LURAP1L: variants seen among roughly 807,000 people sequenced by gnomAD.
LURAP1L encodes leucine rich adaptor protein 1 like.
Under a neutral mutation model 13.8 loss-of-function variants are expected in LURAP1L, and 12 were observed. The ratio of observed to expected loss-of-function variants is 0.87; its 90% CI spans 0.56 to 1.41. The LOEUF (loss-of-function observed/expected upper bound fraction) is 1.41, where lower values mean the gene tolerates loss of function less well. Ranked by LOEUF, LURAP1L falls within the 40% of genes most tolerant of loss-of-function variation. The pLI, the probability that LURAP1L is intolerant of heterozygous loss-of-function variation, is 0.00. For missense variants in LURAP1L, 375 were observed against 292.9 expected, an observed-to-expected ratio of 1.28 and a Z score of -2.04; for synonymous variants, 139 against 119.2, an observed-to-expected ratio of 1.17 and a Z score of -1.08.
Position 12,775,844 on chromosome 9 carries a change from C to A in LURAP1L, c.129C>A (p.Cys43Ter). The stretch of plus-strand genomic sequence containing the variant: ...CCAGGGAAAGGGACAGGGACCCCTG[C>A]GGGGGGAGCGGTGGTGGTGGCGGCG... ...PVPRERDRDP[C>*]GGSGGGGGGG... Residue 43 changes from cysteine (C) to a stop codon, truncating the protein, a stop_gained, in exon 1 of 2, where the codon TGC becomes TGA. Coordinates refer to ENST00000319264, the MANE Select transcript of LURAP1L (RefSeq NM_203403.2). LOFTEE classifies it high-confidence loss of function. 6.3e-7 allele frequency: 1 copy of A among 1,581,288 alleles called. No individual in the cohort carries two copies. Among genetic ancestry groups the A allele is most frequent in the Non-Finnish European group, 8.6e-7 (1 of 1,166,646 alleles).
chr9:12,809,988 A>T (rs1350951583), intron 1 of LURAP1L, among the ~76,000 whole-genome samples: 1 of 152,172 alleles, frequency 6.6e-6, no homozygotes, highest in East Asian at 1.9e-4. Context: ...TCTCCTGTCC[A>T]TAATTAAGTC....
chr9:12,807,371 AT>A (rs1196428683), intron 1 of LURAP1L, among the ~76,000 whole-genome samples: 1 of 152,114 alleles, frequency 6.6e-6, no homozygotes, highest in African/African-American at 2.4e-5. Flanking sequence ...TTTGGAAGAG[AT>A]TATCTGTTTC....
chr9:12,822,930 T>A lies in LURAP1L; in HGVS notation c.*1170T>A, dbSNP rs1365077818. ...TATAATACAAATCAAAAAATCTTCC[T>A]TCTTATAACTGAGAAATGTTTCACC... On this transcript the variant is annotated 3_prime_UTR_variant, in exon 2 of 2. Coordinates refer to ENST00000319264, the MANE Select transcript of LURAP1L (RefSeq NM_203403.2). 1.3e-5 allele frequency among the ~76,000 whole-genome samples: 2 copies of A among 152,240 alleles called. No individual in the cohort carries two copies. The highest frequency in any genetic ancestry group is 2.9e-5 in the Non-Finnish European group (2 of 68,036).
chr9:12,815,850 T>C (rs893243055), intron 1 of LURAP1L, among the ~76,000 whole-genome samples: 1 of 152,104 alleles, frequency 6.6e-6, no homozygotes, highest in Non-Finnish European at 1.5e-5. Flanking sequence ...TGTCTTGGAG[T>C]GGAATACAAA....
chr9:12,820,786 A>G (rs1819868488), intron 1 of LURAP1L, among the ~76,000 whole-genome samples: 1 of 152,152 alleles, frequency 6.6e-6, no homozygotes, highest in African/African-American at 2.4e-5. Flanking sequence ...TAAAGAATAC[A>G]GGTCTTTTTT....
intron 1 of LURAP1L, among the ~76,000 whole-genome samples, chr9:12,792,830 T>C (rs978284342): frequency 3.3e-5 from 5 of 152,078 alleles, no homozygotes; most frequent in African/African-American, 1.2e-4. Context: ...AAACAGAATT[T>C]TACCATTTAT....
At position 12,775,907 on chromosome 9, in the gene LURAP1L, C is replaced by A; in HGVS notation, c.192C>A (p.Ser64Arg). 4 of 1,567,232 alleles carry A rather than the reference C, an allele frequency of 2.6e-6. No homozygotes were observed. The highest frequency in any genetic ancestry group is 3.5e-6 in the Non-Finnish European group (4 of 1,155,490). ...GGCSSSSSYCSFPPSLSSSSS... is the reference protein window; with the variant it reads ...GGCSSSSSYCRFPPSLSSSSS... ...GCAGTAGCAGCAGCAGCTACTGCAGCTTCCCTCCCTCCTTGTCGTCCTCCT... is the reference window on the plus strand; with the variant it reads ...GCAGTAGCAGCAGCAGCTACTGCAGATTCCCTCCCTCCTTGTCGTCCTCCT... The change falls in exon 1 of 2, where the codon AGC becomes AGA. Residue 64 changes from serine (S) to arginine (R), a missense_variant. Ser to Arg is a moderately radical substitution (Grantham distance 110). Coordinates refer to ENST00000319264, the MANE Select transcript of LURAP1L (RefSeq NM_203403.2).
chr9:12,788,560 T>G (rs1426468901), intron 1 of LURAP1L, among the ~76,000 whole-genome samples: 1 of 152,156 alleles, frequency 6.6e-6, no homozygotes, highest in East Asian at 1.9e-4. Context: ...TGCAATGACC[T>G]AAATGGCCAA....
At chr9:12,776,326 C>T (rs1232241080) in intron 1 of LURAP1L, among the ~76,000 whole-genome samples, 4 of 152,190 alleles carry the variant, frequency 2.6e-5, no homozygotes, top group African/African-American at 9.6e-5. Context: ...TAGCTGCCAG[C>T]CCGTAGCCTC....
intron 1 of LURAP1L, chr9:12,777,262 A>G (rs983642480): frequency 2.0e-6 from 2 of 985,440 alleles, no homozygotes; most frequent in African/African-American, 3.5e-5. Context: ...AGTGGAAGTC[A>G]TCTTGATGAG....
At chr9:12,789,010 T>C (rs910364768) in intron 1 of LURAP1L, among the ~76,000 whole-genome samples, 2 of 150,898 alleles carry the variant, frequency 1.3e-5, no homozygotes, top group African/African-American at 4.9e-5. Context: ...AAGATCACAG[T>C]GAGCCATGAT....
At position 12,822,891 on chromosome 9, in the gene LURAP1L, C is replaced by T. The variant is rs183607569; in HGVS notation, c.*1131C>T. 8.5e-5 allele frequency among the ~76,000 whole-genome samples: 13 copies of T among 152,094 alleles called. 1 individual carries two copies. The highest frequency in any genetic ancestry group is 7.7e-4 in the East Asian group (4 of 5,178). On this transcript the variant is annotated 3_prime_UTR_variant, in exon 2 of 2. Transcript: ENST00000319264. ...TGTTCTTTGTAATGATAAATGTTTC[C>T]GGACTAAACACTCTATAATACAAAT...
chr9:12,816,059 C>T (rs146102152), intron 1 of LURAP1L, among the ~76,000 whole-genome samples: 73 of 152,154 alleles, frequency 4.8e-4, no homozygotes, highest in East Asian at 3.9e-4. Flanking sequence ...TTTCTCATAA[C>T]GTAAACAATT....
At chr9:12,782,745 T>C (rs1310497444) in intron 1 of LURAP1L, among the ~76,000 whole-genome samples, 2 of 152,190 alleles carry the variant, frequency 1.3e-5, no homozygotes, top group Non-Finnish European at 2.9e-5. Context: ...CTTTTTTCTA[T>C]TTCTGTGAGG....
intron 1 of LURAP1L, among the ~76,000 whole-genome samples, chr9:12,788,916 T>A (rs1394407613): frequency 2.0e-5 from 3 of 150,614 alleles, no homozygotes; most frequent in African/African-American, 7.3e-5. Flanking sequence ...TATATATTTT[T>A]AATAAGCTGA....
intron 1 of LURAP1L, among the ~76,000 whole-genome samples, chr9:12,794,146 C>T (rs1388717618): frequency 1.3e-5 from 2 of 152,070 alleles, no homozygotes; most frequent in Admixed American, 1.3e-4. Flanking sequence ...ACAAAGCCAG[C>T]TTTCCCCCTT....
At chr9:12,820,012 T>C (rs762115585) in intron 1 of LURAP1L, among the ~76,000 whole-genome samples, 7 of 152,094 alleles carry the variant, frequency 4.6e-5, no homozygotes, top group African/African-American at 9.7e-5. Flanking sequence ...TGGCCAAACA[T>C]GGTCCTGCCA....
At chr9:12,817,382 C>T (rs1245274768) in intron 1 of LURAP1L, among the ~76,000 whole-genome samples, 3 of 152,056 alleles carry the variant, frequency 2.0e-5, no homozygotes. Flanking sequence ...AGAGTGGTGA[C>T]CAGGAAAGAT....
chr9:12,776,073 C>G (rs1819177396), intron 1 of LURAP1L, 46 bp downstream of exon 1: 1 of 1,567,538 alleles, frequency 6.4e-7, no homozygotes, highest in Non-Finnish European at 8.7e-7. Context: ...TGGGCTGGGC[C>G]AAAAGATGGG....
Sources: allele counts gnomAD v4.1 joint callset (sites outside exome capture counted in the v4.1 genomes callset), GRCh38; gene constraint gnomAD v4.1.1; transcripts MANE v1.5; gene names NCBI Gene and HGNC (gene_info 2026-07-23, HGNC 2026-07-21).